NME7: variants seen among roughly 807,000 people sequenced by gnomAD.
The protein encoded by NME7 is nucleoside diphosphate kinase 7.
Under a neutral mutation model 49.1 loss-of-function variants are expected in NME7, and 41 were observed. That is an observed-to-expected ratio of 0.83 (90% CI 0.65 to 1.08). The LOEUF (loss-of-function observed/expected upper bound fraction) is 1.08. NME7 is among the 50% of genes least tolerant of loss of function. The pLI is 0.00. For synonymous variants in NME7, 139 were observed against 150.6 expected (o/e 0.92, Z 0.56); for missense variants, 423 against 463.4 (o/e 0.91, Z 0.80).
chr1:169,206,822 G>A (rs1260281910), intron 10 of NME7, among the ~76,000 whole-genome samples: 1 of 152,056 alleles, frequency 6.6e-6, no homozygotes, highest in African/African-American at 2.4e-5. Context: ...GTAATGCAAT[G>A]TGAAAATGTT....
intron 1 of NME7, among the ~76,000 whole-genome samples, chr1:169,348,663 C>CA (rs1306072666): frequency 6.6e-6 from 1 of 151,936 alleles, no homozygotes; most frequent in Non-Finnish European, 1.5e-5. Context: ...ATATCCTGCC[C>CA]AAAAAGCCAT....
rs935001563 is a variant in NME7, at chr1:169,256,597, T to C, written c.755-18910A>G. ...TCATTCTCCATCCAGCTTTGTTCCG[T>C]TGCCGGTGAGGAACTGCGTTCCTTT... On this transcript the variant is annotated intron_variant, in intron 7 of 11. Transcript: ENST00000367811. 3.8e-5 allele frequency among the ~76,000 whole-genome samples: 5 copies of C among 130,812 alleles called. 1 individual carries two copies. The highest frequency in any genetic ancestry group is 7.5e-5 in the Admixed American group (1 of 13,328). 85.8% of individuals were successfully genotyped at this position (130,812 alleles called of 152,430 possible). A position where few individuals can be genotyped will look rare whatever the true frequency, so the allele number is the denominator to read the frequency against.
intron 10 of NME7, among the ~76,000 whole-genome samples, chr1:169,207,781 G>T (rs3753299): frequency 0.07 from 10,648 of 152,170 alleles, 1,480 homozygotes; most frequent in East Asian, 0.66. Flanking sequence ...TCAGTGCAAA[G>T]ATCTGATGCG....
intron 8 of NME7, among the ~76,000 whole-genome samples, chr1:169,236,706 T>G (rs1460439466): frequency 7.1e-6 from 1 of 140,870 alleles, no homozygotes; most frequent in East Asian, 2.2e-4. Flanking sequence ...CTCAATGACT[T>G]TGTAAACTAT....
intron 3 of NME7, among the ~76,000 whole-genome samples, chr1:169,315,645 G>A (rs1651593921): frequency 6.6e-6 from 1 of 152,004 alleles, no homozygotes; most frequent in African/African-American, 2.4e-5. Context: ...CAGTTTGAAA[G>A]GCAAAAATCA....
In NME7 at chr1:169,274,212, G is replaced by A. The variant is rs539216986; in HGVS notation, c.754+13091C>T. On this transcript the variant is annotated intron_variant, in intron 7 of 11. Coordinates refer to ENST00000367811, the MANE Select transcript of NME7 (RefSeq NM_013330.5). ...GGTTTTGATTTGCATTTCTCTGATGGCCAGTGATGATGAGCATTTTTTCAT... is the reference window on the plus strand; with the variant it reads ...GGTTTTGATTTGCATTTCTCTGATGACCAGTGATGATGAGCATTTTTTCAT... 7.0e-3 allele frequency among the ~76,000 whole-genome samples: 933 copies of A among 133,520 alleles called. 95 individuals carry two copies. Among genetic ancestry groups the A allele is most frequent in the African/African-American group, 0.023 (891 of 39,520 alleles). 87.6% of individuals were successfully genotyped at this position (133,520 alleles called of 152,430 possible). A position where few individuals can be genotyped will look rare whatever the true frequency, so the allele number is the denominator to read the frequency against.
chr1:169,227,085 T>C (rs1352338421), intron 10 of NME7, among the ~76,000 whole-genome samples: 1 of 152,178 alleles, frequency 6.6e-6, no homozygotes, highest in Non-Finnish European at 1.5e-5. Context: ...GCACATACTA[T>C]TCACTCAGTA....
At chr1:169,248,877 C>A (rs1648436532) in intron 7 of NME7, among the ~76,000 whole-genome samples, 1 of 128,182 alleles carries the variant, frequency 7.8e-6, no homozygotes, top group African/African-American at 2.6e-5. Flanking sequence ...GTAACTACAG[C>A]CTTGTGGCAA....
intron 10 of NME7, among the ~76,000 whole-genome samples, chr1:169,227,540 T>C (rs996092250): frequency 6.6e-6 from 1 of 152,232 alleles, no homozygotes; most frequent in Non-Finnish European, 1.5e-5. Flanking sequence ...TTCTGAAGGC[T>C]GGAAGGTCTG....
At chr1:169,164,270 C>T (rs12072953) in intron 11 of NME7, among the ~76,000 whole-genome samples, 56,369 of 151,810 alleles carry the variant, frequency 0.37, 11,031 homozygotes, top group East Asian at 0.73. Flanking sequence ...GCAAAAAATA[C>T]AATTTATTTA....
At chr1:169,301,598 G>C (rs535200177) in intron 5 of NME7, among the ~76,000 whole-genome samples, 16 of 152,002 alleles carry the variant, frequency 1.1e-4, no homozygotes, top group African/African-American at 3.9e-4. Context: ...AAGAAATTCT[G>C]CCAAAAAGAC....
chr1:169,246,189 C>T (rs923833898), intron 7 of NME7, among the ~76,000 whole-genome samples: 1 of 152,004 alleles, frequency 6.6e-6, no homozygotes, highest in Non-Finnish European at 1.5e-5. Context: ...GCCTGTAGTC[C>T]CAGATACTCA....
rs957547817 is a variant in NME7, at chr1:169,160,624, T to C, written c.1098+8823A>G. On this transcript the variant is annotated intron_variant, in intron 11 of 11. Coordinates refer to ENST00000367811, the MANE Select transcript of NME7 (RefSeq NM_013330.5). ...CTAAATAGGTTAAATAAAAATGATA[T>C]ACATTAAATGTTTTGTCAAGCTACT... Among the ~76,000 whole-genome samples, 36 of 152,324 alleles carry C rather than the reference T, an allele frequency of 2.4e-4. 1 individual carries two copies. Among genetic ancestry groups the C allele is most frequent in the Admixed American group, 7.8e-4 (12 of 15,300 alleles).
At chr1:169,352,583 GA>G (rs1333099261) in intron 1 of NME7, among the ~76,000 whole-genome samples, 1 of 151,900 alleles carries the variant, frequency 6.6e-6, no homozygotes. Flanking sequence ...ATGGCAATCA[GA>G]TGAGAGAAAG....
chr1:169,213,465 C>T (rs193152537), intron 10 of NME7, among the ~76,000 whole-genome samples: 9 of 152,222 alleles, frequency 5.9e-5, no homozygotes, highest in African/African-American at 2.2e-4. Context: ...TTAAATTTTG[C>T]CAACCTCACT....
chr1:169,362,356 C>T (rs1011892420), intron 1 of NME7, among the ~76,000 whole-genome samples: 1 of 152,068 alleles, frequency 6.6e-6, no homozygotes, highest in Non-Finnish European at 1.5e-5. Flanking sequence ...CTAATAAATG[C>T]TATATTTTAG....
intron 1 of NME7, among the ~76,000 whole-genome samples, chr1:169,362,254 A>C (rs1653689341): frequency 6.6e-6 from 1 of 152,204 alleles, no homozygotes; most frequent in African/African-American, 2.4e-5. Flanking sequence ...GAGACATTTT[A>C]CTTCAAAGGT....
intron 1 of NME7, among the ~76,000 whole-genome samples, chr1:169,325,537 C>A (rs769202531): frequency 2.0e-5 from 3 of 151,900 alleles, no homozygotes; most frequent in Non-Finnish European, 4.4e-5. Flanking sequence ...GACTTCCCAT[C>A]ATATATGTTA....
chr1:169,182,839 G>T (rs1659965600), intron 10 of NME7, among the ~76,000 whole-genome samples: 1 of 152,138 alleles, frequency 6.6e-6, no homozygotes, highest in South Asian at 2.1e-4. Flanking sequence ...TAATGATAGG[G>T]TAGAGAAACT....
Sources: gnomAD v4.1 joint callset for allele counts (sites outside exome capture counted in the v4.1 genomes callset) on GRCh38, gnomAD v4.1.1 for gene constraint, MANE v1.5 for transcripts, NCBI Gene and HGNC (gene_info 2026-07-23, HGNC 2026-07-21) for gene names.